RBFOX1: variants seen among roughly 807,000 people sequenced by gnomAD.
RBFOX1 encodes RNA binding protein fox-1 homolog 1.
A neutral mutation model predicts 57.7 loss-of-function variants in RBFOX1; 8 were observed. The ratio of observed to expected loss-of-function variants is 0.14; its 90% CI spans 0.08 to 0.25. The LOEUF (loss-of-function observed/expected upper bound fraction) is 0.25, where lower values mean the gene tolerates loss of function less well. Ranked by LOEUF, RBFOX1 falls within the 10% of genes least tolerant of loss-of-function variation. The probability of loss-of-function intolerance (pLI) is 1.00; values close to 1 mark genes in which losing one functional copy is unlikely to be tolerated. For missense variants in RBFOX1, 611 were observed against 548.5 expected, an observed-to-expected ratio of 1.11 and a Z score of -1.14; for synonymous variants, 326 against 222.4, an observed-to-expected ratio of 1.47 and a Z score of -4.15.
intron 3 of RBFOX1, among the ~76,000 whole-genome samples, chr16:5,628,589 T>G (rs1195230210): frequency 3.3e-5 from 5 of 152,180 alleles, no homozygotes; most frequent in Non-Finnish European, 7.3e-5. Context: ...GTCCTAGAGT[T>G]ATTGCTCTGT....
intron 2 of RBFOX1, among the ~76,000 whole-genome samples, chr16:6,467,668 G>A (rs549465794): frequency 6.6e-6 from 1 of 152,292 alleles, no homozygotes; most frequent in East Asian, 1.9e-4. Flanking sequence ...CAGTTTTTAA[G>A]AGAAAGCCCG....
intron 4 of RBFOX1, among the ~76,000 whole-genome samples, chr16:5,868,112 C>G (rs1332908202): frequency 6.6e-6 from 1 of 152,178 alleles, no homozygotes; most frequent in Non-Finnish European, 1.5e-5. Flanking sequence ...CAGAAGTCAC[C>G]AGCAAGGTGA....
chr16:5,960,107 A>G (rs929950565), intron 4 of RBFOX1, among the ~76,000 whole-genome samples: 3 of 152,176 alleles, frequency 2.0e-5, no homozygotes, highest in Admixed American at 1.3e-4. Context: ...AGGCCGAGAC[A>G]GGAGAATTGC....
chr16:7,311,474 TTTTC>T (rs1270170032), intron 4 of RBFOX1, among the ~76,000 whole-genome samples: 2 of 81,626 alleles, frequency 2.5e-5, no homozygotes, highest in African/African-American at 1.1e-4. Context: ...TTGATGAGCC[TTTTC>T]TTTTTTTTTT....
At chr16:5,721,512 T>A (rs1459362543) in intron 3 of RBFOX1, among the ~76,000 whole-genome samples, 1 of 152,178 alleles carries the variant, frequency 6.6e-6, no homozygotes, top group Non-Finnish European at 1.5e-5. Context: ...GTTGAATAGA[T>A]GAGATGACAG....
chr16:7,116,081 C>A (rs760305523), intron 4 of RBFOX1, among the ~76,000 whole-genome samples: 2 of 152,058 alleles, frequency 1.3e-5, no homozygotes, highest in African/African-American at 4.8e-5. Flanking sequence ...CAGTGGGTAC[C>A]GATCAGTACC....
At chr16:7,171,144 C>G (rs1311955572) in intron 4 of RBFOX1, among the ~76,000 whole-genome samples, 1 of 152,202 alleles carries the variant, frequency 6.6e-6, no homozygotes, top group African/African-American at 2.4e-5. Context: ...CAAGGCCTTA[C>G]TTGCCACCAT....
At chr16:6,899,950 GC>G (rs1276987104) in intron 3 of RBFOX1, among the ~76,000 whole-genome samples, 2 of 152,172 alleles carry the variant, frequency 1.3e-5, no homozygotes, top group African/African-American at 4.8e-5. Context: ...AGTCTTAATA[GC>G]TGGGTGGCCT....
In RBFOX1 at chr16:6,159,666, T is replaced by C. The variant is rs2096863625; in HGVS notation, c.-127+139674T>C. Among the ~76,000 whole-genome samples the C allele has an allele frequency of 2.0e-5, 3 of 152,208 alleles. No homozygotes were observed. The South Asian group carries it at 6.2e-4, about 31-fold the overall frequency. On this transcript the variant is annotated intron_variant, in intron 1 of 15. Transcript: ENST00000550418. ...GTCTCAGACAGATGAGGAAATGTCATGTTAATATCAAGAAGTATGTACAGT... is the reference window on the plus strand; with the variant it reads ...GTCTCAGACAGATGAGGAAATGTCACGTTAATATCAAGAAGTATGTACAGT...
intron 3 of RBFOX1, among the ~76,000 whole-genome samples, chr16:6,684,533 C>G (rs919987993): frequency 6.6e-6 from 1 of 152,164 alleles, no homozygotes; most frequent in Non-Finnish European, 1.5e-5. Context: ...GCAGTGGAAA[C>G]AGGCATGGAG....
intron 2 of RBFOX1, among the ~76,000 whole-genome samples, chr16:6,356,894 G>A (rs1295629596): frequency 6.6e-6 from 1 of 152,128 alleles, no homozygotes; most frequent in Non-Finnish European, 1.5e-5. Context: ...AATTTTTTCT[G>A]TAAATCCAAA....
At chr16:5,415,125 C>T (rs959775162) in intron 1 of RBFOX1, among the ~76,000 whole-genome samples, 7 of 152,104 alleles carry the variant, frequency 4.6e-5, no homozygotes, top group African/African-American at 4.8e-5. Context: ...TCCTTTCTCA[C>T]GCTGTTCTAA....
chr16:6,319,856 C>G (rs977218625), intron 2 of RBFOX1, among the ~76,000 whole-genome samples: 3 of 152,108 alleles, frequency 2.0e-5, no homozygotes, highest in Admixed American at 2.0e-4. Flanking sequence ...CTCTATTTTC[C>G]TATCAGGCTA....
At chr16:6,348,696 G>A (rs1002033069) in intron 2 of RBFOX1, among the ~76,000 whole-genome samples, 14 of 152,044 alleles carry the variant, frequency 9.2e-5, no homozygotes, top group East Asian at 1.9e-4. Flanking sequence ...AGCGTGCCAC[G>A]TTCTTTTAAA....
chr16:7,205,051 C>T (rs890512036), intron 4 of RBFOX1, among the ~76,000 whole-genome samples: 1 of 152,140 alleles, frequency 6.6e-6, no homozygotes. Context: ...TGCCACTCCT[C>T]TATGAGATAG....
chr16:7,697,871 G>A (rs2079289376), intron 14 of RBFOX1, among the ~76,000 whole-genome samples: 1 of 152,192 alleles, frequency 6.6e-6, no homozygotes, highest in Admixed American at 6.5e-5. Context: ...CAAGGGCACT[G>A]TATGATTCTT....
intron 4 of RBFOX1, among the ~76,000 whole-genome samples, chr16:7,471,956 A>G (rs1434405038): frequency 6.6e-6 from 1 of 152,162 alleles, no homozygotes; most frequent in Non-Finnish European, 1.5e-5. Context: ...AGAAGCTGAC[A>G]AAAAAGGTGC....
intron 3 of RBFOX1, among the ~76,000 whole-genome samples, chr16:5,701,049 T>G (rs1182223283): frequency 4.6e-5 from 7 of 152,204 alleles, no homozygotes; most frequent in Non-Finnish European, 1.0e-4. Flanking sequence ...TTGATCTAGA[T>G]TTTTCTTCTT....
intron 1 of RBFOX1, among the ~76,000 whole-genome samples, chr16:6,050,731 G>A (rs148835919): frequency 5.8e-4 from 88 of 152,116 alleles, no homozygotes; most frequent in African/African-American, 2.1e-3. Context: ...CTACTATTAG[G>A]ATAGTCAGGG....
Sources: gnomAD v4.1 joint callset for allele counts (sites outside exome capture counted in the v4.1 genomes callset) on GRCh38, gnomAD v4.1.1 for gene constraint, MANE v1.5 for transcripts, NCBI Gene and HGNC (gene_info 2026-07-23, HGNC 2026-07-21) for gene names.